The following MCC variants were observed in gnomAD, a reference collection of about 807,000 sequenced individuals.
MCC encodes MCC regulator of Wnt signaling pathway.
In MCC, 90 loss-of-function variants were observed where a neutral mutation model predicts 116.2. The ratio of observed to expected loss-of-function variants is 0.77; its 90% CI spans 0.65 to 0.92. The LOEUF (loss-of-function observed/expected upper bound fraction) is 0.92. MCC is among the 40% of genes least tolerant of loss of function. The pLI, the probability that MCC is intolerant of heterozygous loss-of-function variation, is 0.00. For synonymous variants in MCC, 578 were observed against 510.5 expected, an observed-to-expected ratio of 1.13 and a Z score of -1.78; for missense variants, 1,516 against 1,312.2, an observed-to-expected ratio of 1.16 and a Z score of -2.40.
At chr5:113,077,557 C>T (rs897147710) in intron 11 of MCC, among the ~76,000 whole-genome samples, 6 of 152,186 alleles carry the variant, frequency 3.9e-5, no homozygotes, top group Non-Finnish European at 8.8e-5. Flanking sequence ...TGAATGACTA[C>T]TGGGTACATA....
At chr5:113,422,010 T>C (rs760130019) in intron 1 of MCC, among the ~76,000 whole-genome samples, 1 of 152,196 alleles carries the variant, frequency 6.6e-6, no homozygotes, top group South Asian at 2.1e-4. Context: ...ACTGAGGTAT[T>C]TGAAGGCCAG....
chr5:113,204,738 T>C (rs554648468), intron 3 of MCC, among the ~76,000 whole-genome samples: 54 of 152,362 alleles, frequency 3.5e-4, no homozygotes, highest in African/African-American at 1.3e-3. Context: ...CCCACGGTTA[T>C]GATCACAGGG....
chr5:113,342,718 T>C (rs1768045922), intron 2 of MCC, among the ~76,000 whole-genome samples: 1 of 152,236 alleles, frequency 6.6e-6, no homozygotes, highest in African/African-American at 2.4e-5. Flanking sequence ...TGGAAATGTC[T>C]TGTGGGTGCA....
intron 3 of MCC, among the ~76,000 whole-genome samples, chr5:113,268,242 T>G (rs1475742719): frequency 6.6e-6 from 1 of 152,200 alleles, no homozygotes; most frequent in Non-Finnish European, 1.5e-5. Context: ...GCTAAAACAT[T>G]AGTACCTAAC....
chr5:113,457,400 T>G (rs1485201938), intron 1 of MCC, among the ~76,000 whole-genome samples: 1 of 152,256 alleles, frequency 6.6e-6, no homozygotes, highest in Non-Finnish European at 1.5e-5. Flanking sequence ...GCCTCGGGAC[T>G]GCAGCCTGCC....
chr5:113,192,041 C>A (rs181172547), intron 3 of MCC, among the ~76,000 whole-genome samples: 19 of 152,242 alleles, frequency 1.2e-4, no homozygotes, highest in Non-Finnish European at 2.1e-4. Flanking sequence ...TCAAATATGA[C>A]CATTTTTTGT....
chr5:113,412,025 C>A (rs915442217), intron 1 of MCC, among the ~76,000 whole-genome samples: 1 of 152,076 alleles, frequency 6.6e-6, no homozygotes, highest in African/African-American at 2.4e-5. Context: ...TCATTAAATA[C>A]AAAATCCTTT....
At chr5:113,441,081 T>C (rs927973657) in intron 1 of MCC, among the ~76,000 whole-genome samples, 2 of 152,188 alleles carry the variant, frequency 1.3e-5, no homozygotes, top group Non-Finnish European at 2.9e-5. Flanking sequence ...ACGCCTGTAA[T>C]CCCAACACTT....
chr5:113,488,274 G>T lies in MCC; in HGVS notation c.141C>A (p.Cys47Ter). The change falls in exon 1 of 19, where the codon TGC (cysteine) becomes TGA (stop). Residue 47 changes from cysteine (C) to a stop codon, truncating the protein, a stop_gained. Transcript: ENST00000408903. LOFTEE classifies it high-confidence loss of function. ...EERMRRLFQT[C>*]DGDGDGYISR... is the part of the protein sequence containing the mutation. ...TGATGTATCCGTCCCCGTCGCCGTC[G>T]CACGTCTGGAAGAGGCGCCGCATCC... The T allele has an allele frequency of 6.3e-7, 1 of 1,595,378 alleles. No homozygotes were observed. Among genetic ancestry groups the T allele is most frequent in the Non-Finnish European group, 8.5e-7 (1 of 1,171,850 alleles).
intron 8 of MCC, among the ~76,000 whole-genome samples, chr5:113,093,947 G>A (rs1219734523): frequency 6.6e-6 from 1 of 152,204 alleles, no homozygotes; most frequent in African/African-American, 2.4e-5. Flanking sequence ...GGAGCTGGTT[G>A]AGATGAGATG....
intron 11 of MCC, among the ~76,000 whole-genome samples, chr5:113,076,265 C>T (rs181535331): frequency 6.6e-6 from 1 of 152,156 alleles, no homozygotes; most frequent in South Asian, 2.1e-4. Context: ...ACGTCCCCAA[C>T]CTAGCAAGGC....
At chr5:113,267,689 T>C (rs931106128) in intron 3 of MCC, among the ~76,000 whole-genome samples, 1 of 152,184 alleles carries the variant, frequency 6.6e-6, no homozygotes, top group Non-Finnish European at 1.5e-5. Flanking sequence ...CAGGCACATC[T>C]ACAGTGACGA....
chr5:113,316,961 A>G (rs889297840), intron 3 of MCC, among the ~76,000 whole-genome samples: 1 of 152,248 alleles, frequency 6.6e-6, no homozygotes, highest in African/African-American at 2.4e-5. Flanking sequence ...GTCTACTTGG[A>G]CAAAGCTATT....
intron 1 of MCC, among the ~76,000 whole-genome samples, chr5:113,451,145 C>A (rs28497782): frequency 5.9e-5 from 9 of 152,122 alleles, no homozygotes; most frequent in African/African-American, 2.2e-4. Context: ...TGGTGGCATA[C>A]CGCCAACCAC....
chr5:113,083,134 G>T (rs1408523634), intron 10 of MCC, 126 bp from the exon 11 acceptor site: 33 of 822,324 alleles, frequency 4.0e-5, no homozygotes, highest in Non-Finnish European at 6.1e-5. Flanking sequence ...TACCCTGAAG[G>T]TTCTCAGTTT....
chr5:113,022,186 T>A lies in MCC; in HGVS notation c.*5116A>T, dbSNP rs1379800097. On this transcript the variant is annotated 3_prime_UTR_variant, in exon 19 of 19. Coordinates refer to ENST00000408903, the MANE Select transcript of MCC (RefSeq NM_001085377.2). ...TCTCTGTATAAATAAATGGAGTTTTTAAAAAACAATTCTATATCAAATAAC... is the reference window on the plus strand; with the variant it reads ...TCTCTGTATAAATAAATGGAGTTTTAAAAAAACAATTCTATATCAAATAAC... The A allele has an allele frequency of 6.6e-6, 1 of 152,616 alleles. No homozygotes were observed. Among genetic ancestry groups the A allele is most frequent in the African/African-American group, 2.4e-5 (1 of 41,452 alleles). 9.5% of individuals were successfully genotyped at this position (152,616 alleles called of 1,614,324 possible).
At chr5:113,102,087 A>T in intron 7 of MCC, 142 bp from the exon 8 acceptor site, 1 of 764,052 alleles carries the variant, frequency 1.3e-6, no homozygotes, top group South Asian at 1.7e-5. Flanking sequence ...TCATGACTAC[A>T]GACACCCCAA....
chr5:113,271,076 G>A (rs148761620), intron 3 of MCC, among the ~76,000 whole-genome samples: 3 of 152,116 alleles, frequency 2.0e-5, no homozygotes, highest in African/African-American at 7.2e-5. Context: ...CTCAAAATGG[G>A]ACCCTTAGTG....
chr5:113,062,352 A>C (rs1753281754), intron 14 of MCC, among the ~76,000 whole-genome samples: 2 of 152,208 alleles, frequency 1.3e-5, no homozygotes, highest in Non-Finnish European at 2.9e-5. Context: ...TCAAAAGCTA[A>C]ATAGATGGTG....
Sources: allele counts gnomAD v4.1 joint callset (sites outside exome capture counted in the v4.1 genomes callset), GRCh38; gene constraint gnomAD v4.1.1; transcripts MANE v1.5; gene names NCBI Gene and HGNC (gene_info 2026-07-23, HGNC 2026-07-21).